The following EPHA4 variants were observed in gnomAD, a reference collection of about 807,000 sequenced individuals.
The protein encoded by EPHA4 is ephrin type-A receptor 4.
EPHA4 carries 19 observed loss-of-function variants against 108.3 expected under a neutral mutation model. The observed-to-expected ratio is 0.18, with a 90% CI of 0.12 to 0.26. The LOEUF (loss-of-function observed/expected upper bound fraction) is 0.26. EPHA4 is among the 10% of genes least tolerant of loss of function. The pLI, the probability that EPHA4 is intolerant of heterozygous loss-of-function variation, is 1.00. For missense variants in EPHA4, 917 were observed against 1,254.0 expected (o/e 0.73, Z 4.06); for synonymous variants, 449 against 455.5 (o/e 0.99, Z 0.18).
intron 3 of EPHA4, among the ~76,000 whole-genome samples, chr2:221,527,634 T>A (rs13386655): frequency 6.6e-6 from 1 of 152,148 alleles, no homozygotes; most frequent in Non-Finnish European, 1.5e-5. Flanking sequence ...GGCAAGAGCG[T>A]GTGTCTGTGC....
In EPHA4 at chr2:221,483,827, T is replaced by A. The variant is rs931458570; in HGVS notation, c.980-1137A>T. 2.0e-5 allele frequency among the ~76,000 whole-genome samples: 3 copies of A among 151,980 alleles called. No individual in the cohort carries two copies. In the East Asian group the frequency reaches 5.8e-4, roughly 30 times the overall value. On this transcript the variant is annotated intron_variant, in intron 4 of 17. Coordinates refer to ENST00000281821, the MANE Select transcript of EPHA4 (RefSeq NM_004438.5). ...GATTGGTCTTAATAGGGCAAAAAAA[T>A]TGTGACACAAACTGCTTTCAAGTGG...
chr2:221,429,028 GTCC>G (rs1689995051), intron 15 of EPHA4, among the ~76,000 whole-genome samples: 1 of 152,170 alleles, frequency 6.6e-6, no homozygotes, highest in Non-Finnish European at 1.5e-5. Context: ...GGGAGAAAAT[GTCC>G]TCCTATTTTT....
intron 3 of EPHA4, among the ~76,000 whole-genome samples, chr2:221,531,284 C>A (rs1693504884): frequency 6.6e-6 from 1 of 152,198 alleles, no homozygotes; most frequent in South Asian, 2.1e-4. Context: ...GATTAACCAC[C>A]TCAATGCCTC....
At chr2:221,426,877 T>G (rs896536761) in intron 15 of EPHA4, among the ~76,000 whole-genome samples, 6 of 152,258 alleles carry the variant, frequency 3.9e-5, no homozygotes, top group African/African-American at 7.2e-5. Flanking sequence ...AGGGCATTCA[T>G]GCTCATAGCA....
At chr2:221,457,277 A>C (rs535720910) in intron 6 of EPHA4, among the ~76,000 whole-genome samples, 1 of 152,332 alleles carries the variant, frequency 6.6e-6, no homozygotes, top group East Asian at 1.9e-4. Context: ...CCTTGAATGC[A>C]AATAGCTCTC....
At chr2:221,471,374 G>A (rs1272228778) in intron 5 of EPHA4, among the ~76,000 whole-genome samples, 1 of 152,082 alleles carries the variant, frequency 6.6e-6, no homozygotes, top group Non-Finnish European at 1.5e-5. Context: ...TCAGTATTTA[G>A]TCCATTCCTA....
chr2:221,423,127 C>T (rs546022871), intron 17 of EPHA4, among the ~76,000 whole-genome samples: 7 of 152,310 alleles, frequency 4.6e-5, no homozygotes, highest in East Asian at 1.9e-4. Flanking sequence ...AGAAGCGTAC[C>T]TTTCTTCTGT....
chr2:221,530,248 T>C (rs911062295), intron 3 of EPHA4, among the ~76,000 whole-genome samples: 3 of 152,066 alleles, frequency 2.0e-5, no homozygotes, highest in Admixed American at 1.3e-4. Context: ...TGTACATGTC[T>C]CAGCAAGTCG....
chr2:221,507,491 AGG>A (rs1692666488), intron 3 of EPHA4, among the ~76,000 whole-genome samples: 1 of 152,118 alleles, frequency 6.6e-6, no homozygotes, highest in Non-Finnish European at 1.5e-5. Context: ...ACATTGTTTT[AGG>A]GTTTTTCTTC....
rs999503302 is a variant in EPHA4, at chr2:221,476,040, A to C, written c.1318+6312T>G. 3.9e-5 allele frequency among the ~76,000 whole-genome samples: 6 copies of C among 152,270 alleles called. No individual in the cohort carries two copies. In the East Asian group the frequency reaches 1.2e-3, roughly 29 times the overall value. On this transcript the variant is annotated intron_variant, in intron 5 of 17. Transcript: ENST00000281821. ...TTTGAGACCAGCCTGGGCAACATGGAAAACCCCATCTCTACTAAAAAATAG... is the reference window on the plus strand; with the variant it reads ...TTTGAGACCAGCCTGGGCAACATGGCAAACCCCATCTCTACTAAAAAATAG...
At chr2:221,493,921 G>C (rs1045337599) in intron 4 of EPHA4, among the ~76,000 whole-genome samples, 1 of 152,166 alleles carries the variant, frequency 6.6e-6, no homozygotes, top group African/African-American at 2.4e-5. Flanking sequence ...TGTCTTGAAA[G>C]CTGCAATTTT....
At chr2:221,515,199 G>A (rs780080601) in intron 3 of EPHA4, among the ~76,000 whole-genome samples, 4 of 152,078 alleles carry the variant, frequency 2.6e-5, no homozygotes, top group Non-Finnish European at 4.4e-5. Flanking sequence ...GGGTTCAAGC[G>A]ATTCTCCTCC....
intron 3 of EPHA4, among the ~76,000 whole-genome samples, chr2:221,505,583 C>T (rs1215759687): frequency 6.6e-6 from 1 of 152,152 alleles, no homozygotes; most frequent in Non-Finnish European, 1.5e-5. Flanking sequence ...CTCGGCCTCC[C>T]AAAGTGCCAG....
intron 3 of EPHA4, among the ~76,000 whole-genome samples, chr2:221,517,467 T>A (rs1693022259): frequency 6.6e-6 from 1 of 152,016 alleles, no homozygotes; most frequent in Admixed American, 6.6e-5. Context: ...TGGTAGAACG[T>A]GGATGACAGG....
chr2:221,527,697 C>A (rs1280206953), intron 3 of EPHA4, among the ~76,000 whole-genome samples: 1 of 152,188 alleles, frequency 6.6e-6, no homozygotes, highest in Non-Finnish European at 1.5e-5. Context: ...ATAACATTGG[C>A]CTGGATCAGT....
chr2:221,477,448 T>C (rs1402977366), intron 5 of EPHA4, among the ~76,000 whole-genome samples: 1 of 152,152 alleles, frequency 6.6e-6, no homozygotes, highest in African/African-American at 2.4e-5. Flanking sequence ...TTGCGGAGGA[T>C]TGGGGATGCT....
At chr2:221,440,248 G>A (rs953367145) in intron 11 of EPHA4, among the ~76,000 whole-genome samples, 32 of 152,150 alleles carry the variant, frequency 2.1e-4, no homozygotes, top group African/African-American at 6.0e-4. Flanking sequence ...GCATCCAGTC[G>A]TTTATAACAG....
chr2:221,495,348 C>T (rs994895235), intron 4 of EPHA4, among the ~76,000 whole-genome samples: 6 of 152,154 alleles, frequency 3.9e-5, no homozygotes, highest in African/African-American at 1.2e-4. Context: ...TCCTGACAGC[C>T]GTGGGGCTGG....
intron 3 of EPHA4, among the ~76,000 whole-genome samples, chr2:221,531,600 C>T (rs1311068193): frequency 1.3e-5 from 2 of 152,002 alleles, no homozygotes; most frequent in African/African-American, 4.8e-5. Flanking sequence ...CATCTCAGGG[C>T]TGATTCTAGA....
Sources: gnomAD v4.1 joint callset for allele counts (sites outside exome capture counted in the v4.1 genomes callset) on GRCh38, gnomAD v4.1.1 for gene constraint, MANE v1.5 for transcripts, NCBI Gene and HGNC (gene_info 2026-07-23, HGNC 2026-07-21) for gene names.